SLC5A10: variants seen among roughly 807,000 people sequenced by gnomAD.
The protein encoded by SLC5A10 is solute carrier family 5 member 10, also known as sodium/mannose cotransporter SLC5A10.
A neutral mutation model predicts 68.9 loss-of-function variants in SLC5A10; 55 were observed. The ratio of observed to expected loss-of-function variants is 0.80; its 90% CI spans 0.64 to 1.00. The LOEUF (loss-of-function observed/expected upper bound fraction) is 1.00. Among genes scored for constraint, SLC5A10 ranks in the 50% least tolerant of loss-of-function variants. SLC5A10 has a pLI of 0.00. For synonymous variants in SLC5A10, 344 were observed against 344.8 expected (o/e 1.00, Z 0.02); for missense variants, 732 against 819.3 (o/e 0.89, Z 1.30).
At chr17:18,972,755 G>A (rs536812678) in intron 8 of SLC5A10, among the ~76,000 whole-genome samples, 4 of 152,158 alleles carry the variant, frequency 2.6e-5, no homozygotes, top group Middle Eastern at 3.4e-3. Flanking sequence ...CCAGCTACTC[G>A]GGAGGCTGAG....
rs903299842 is a variant in SLC5A10, at chr17:18,988,536, C to A, written c.982+11547C>A. On this transcript the variant is annotated intron_variant, in intron 9 of 14. Coordinates refer to ENST00000395645, the MANE Select transcript of SLC5A10 (RefSeq NM_001042450.4). ...CTCACAGGTGCCCACTCTGGCCCTA[C>A]TCCTGGAGCCTCAGGCCCGGGACCA... The A allele has an allele frequency of 1.3e-5, 19 of 1,477,192 alleles. No homozygotes were observed. The Admixed American group carries it at 4.0e-4, about 31-fold the overall frequency. The allele number at this position is 1,477,192 out of a possible 1,614,324, so 91.5% of individuals were successfully genotyped here.
At chr17:19,014,933 G>A (rs1172868968) in intron 10 of SLC5A10, 116 bp from the exon 11 acceptor site, 13 of 1,294,098 alleles carry the variant, frequency 1.0e-5, no homozygotes, top group Non-Finnish European at 1.1e-5. Flanking sequence ...CCCGCCCTCT[G>A]CCTTGGAGGA....
chr17:18,961,440 A>AG (rs1454483115), intron 5 of SLC5A10, among the ~76,000 whole-genome samples: 1 of 151,754 alleles, frequency 6.6e-6, no homozygotes, highest in African/African-American at 2.4e-5. Context: ...CTCCCTTGTA[A>AG]GGAGGGGCGG....
intron 9 of SLC5A10, chr17:18,978,699 G>C (rs768473258): frequency 6.2e-7 from 1 of 1,612,872 alleles, no homozygotes; most frequent in African/African-American, 1.3e-5. Context: ...ATAGGCTCCG[G>C]CTCCGGTTCC....
upstream of SLC5A10, chr17:18,952,114 TG>T: frequency 6.6e-7 from 1 of 1,509,510 alleles, no homozygotes; most frequent in Non-Finnish European, 8.8e-7. Context: ...CTTGGTTTAA[TG>T]ATCAATGAGC....
chr17:18,951,279 G>A (rs867369644), upstream of SLC5A10, among the ~76,000 whole-genome samples: 3 of 152,244 alleles, frequency 2.0e-5, no homozygotes, highest in African/African-American at 4.8e-5. Context: ...GATGGAACTC[G>A]TCACTGTCAC....
intron 9 of SLC5A10, among the ~76,000 whole-genome samples, chr17:18,990,686 GATCCCCCC>G (rs1378047486): frequency 6.6e-6 from 1 of 152,354 alleles, no homozygotes; most frequent in African/African-American, 2.4e-5. Flanking sequence ...CTCCAAAATG[GATCCCCCC>G]ACAGTCCTGG....
In SLC5A10 at chr17:19,004,386, T is replaced by C; in HGVS notation, c.983-9024T>C. 4.4e-6 allele frequency: 1 copy of C among 225,514 alleles called. No homozygotes were observed. Among genetic ancestry groups the C allele is most frequent in the Non-Finnish European group, 8.6e-6 (1 of 116,798 alleles). The allele number at this position is 225,514 out of a possible 1,614,324, so 14.0% of individuals were successfully genotyped here. A position where few individuals can be genotyped will look rare whatever the true frequency, so the allele number is the denominator to read the frequency against. ...GTGGGCCACGTCCCAGGGCTCAGCG[T>C]GCCTCTACGTGCAGGGAACCCATAT... On this transcript the variant is annotated intron_variant, in intron 9 of 14. Coordinates refer to ENST00000395645, the MANE Select transcript of SLC5A10 (RefSeq NM_001042450.4). The surrounding 1 kb of genome is among the most constrained non-coding windows in gnomAD (Gnocchi z 5.4).
chr17:19,022,080 C>T lies in SLC5A10; in HGVS notation c.*1649C>T. ...CTCAATGATGTCGCCACGGCGGAAG[C>T]TGAGCTGCGAGGGGTCCTGGGCTGA... On this transcript the variant is annotated 3_prime_UTR_variant, in exon 15 of 15. Transcript: ENST00000395645. The T allele has an allele frequency of 6.3e-7, 1 of 1,590,586 alleles. No homozygotes were observed.
chr17:18,991,578 C>T (rs534423334), intron 9 of SLC5A10, among the ~76,000 whole-genome samples: 519 of 152,274 alleles, frequency 3.4e-3, no homozygotes, highest in Middle Eastern at 6.8e-3. Flanking sequence ...GGGCAGGAGG[C>T]GGGTGGCCTG....
rs757991704 is a variant in SLC5A10 at position 19,019,854 on chromosome 17, G to A, written c.1552G>A (p.Val518Ile). ...GAGCATCCACTACCTGCACTTCGCT[G>A]TCGCCCTCTTTGCACTCAGTGGTGC... ...LGSIHYLHFA[V>I]ALFALSGAVV... Residue 518 changes from valine (V) to isoleucine (I), a missense_variant, in exon 13 of 15, where the codon GTC becomes ATC. By Grantham distance (29) the Val-to-Ile change is conservative. Coordinates refer to ENST00000395645, the MANE Select transcript of SLC5A10 (RefSeq NM_001042450.4). 1.2e-6 allele frequency: 2 copies of A among 1,613,468 alleles called. No homozygotes were observed. Among genetic ancestry groups the A allele is most frequent in the Non-Finnish European group, 1.7e-6 (2 of 1,179,924 alleles).
In SLC5A10 at chr17:18,971,024, A is replaced by G; in HGVS notation, c.652A>G (p.Ile218Val). The change falls in exon 8 of 15, where the codon ATC (isoleucine) becomes GTC (valine). Residue 218 changes from isoleucine to valine, a missense_variant. Physicochemically the swap from Ile to Val is conservative, Grantham distance 29. Coordinates refer to ENST00000395645, the MANE Select transcript of SLC5A10 (RefSeq NM_001042450.4). The surrounding 1 kb of genome is among the most constrained non-coding windows in gnomAD (Gnocchi z 5.5). ...CCTGACCCCTCCAGCTTTTGACCAGATCGGTGGTTACGGGCAGCTGGAGGC... is the reference window on the plus strand; with the variant it reads ...CCTGACCCCTCCAGCTTTTGACCAGGTCGGTGGTTACGGGCAGCTGGAGGC... Reference protein sequence around the residue: ...VILTIKAFDQIGGYGQLEAAY... With the variant: ...VILTIKAFDQVGGYGQLEAAY... The G allele has an allele frequency of 6.2e-7, 1 of 1,613,878 alleles. No homozygotes were observed. Among genetic ancestry groups the G allele is most frequent in the Admixed American group, 1.7e-5 (1 of 60,022 alleles).
chr17:19,019,877 T>G lies in SLC5A10; in HGVS notation c.1575T>G (p.Gly525=), dbSNP rs769949147. 1 of 1,612,718 alleles carries G rather than the reference T, an allele frequency of 6.2e-7. No individual in the cohort carries two copies. The highest frequency in any genetic ancestry group is 8.5e-7 in the Non-Finnish European group (1 of 1,179,742). The stretch of plus-strand genomic sequence containing the variant: ...CTGTCGCCCTCTTTGCACTCAGTGG[T>G]GCTGTTGTGGTGGCTGGAAGCCTGC... ...HFAVALFALS[G]AVVVAGSLLT... Residue 525 remains glycine (G), a synonymous_variant, in exon 13 of 15, where the codon GGT becomes GGG. Transcript: ENST00000395645.
At chr17:18,977,584 C>T in intron 9 of SLC5A10, 1 of 1,607,240 alleles carries the variant, frequency 6.2e-7, no homozygotes, top group Non-Finnish European at 8.5e-7. Context: ...CCTGACCCAC[C>T]TGTGCCTCCT....
In SLC5A10 at chr17:18,960,565, G is replaced by A. The variant is rs756020471; in HGVS notation, c.366G>A (p.Glu122=). 8.0e-5 allele frequency: 129 copies of A among 1,613,978 alleles called. No homozygotes were observed. The highest frequency in any genetic ancestry group is 2.3e-4 in the Admixed American group (14 of 60,004). The change falls in exon 5 of 15, where the codon GAG becomes GAA. Residue 122 remains glutamate, a synonymous_variant. Transcript: ENST00000395645. ...YISSEIVTLP[E]YIQKRYGGQR... is the part of the protein sequence containing the mutation. The stretch of plus-strand genomic sequence containing the variant: ...CTTCCCAGATCGTCACCTTACCTGA[G>A]TACATTCAGAAGCGCTACGGGGGCC...
At chr17:18,995,385 G>A (rs1432462191) in intron 9 of SLC5A10, among the ~76,000 whole-genome samples, 1 of 152,098 alleles carries the variant, frequency 6.6e-6, no homozygotes, top group Non-Finnish European at 1.5e-5. Flanking sequence ...CACTATAGAA[G>A]AGAAAATTAG....
At chr17:18,991,171 A>T (rs939337741) in intron 9 of SLC5A10, among the ~76,000 whole-genome samples, 2 of 152,202 alleles carry the variant, frequency 1.3e-5, no homozygotes, top group African/African-American at 4.8e-5. Flanking sequence ...CTCACTTGTG[A>T]CACCATGAGC....
chr17:18,991,493 C>A (rs1007473324), intron 9 of SLC5A10, among the ~76,000 whole-genome samples: 3 of 152,178 alleles, frequency 2.0e-5, no homozygotes, highest in African/African-American at 7.2e-5. Flanking sequence ...CTGGGCAGGG[C>A]AAGGGCTGTG....
At chr17:18,974,542 G>A (rs901274124) in intron 8 of SLC5A10, among the ~76,000 whole-genome samples, 6 of 152,178 alleles carry the variant, frequency 3.9e-5, no homozygotes, top group Non-Finnish European at 7.3e-5. Context: ...TGCTGATGCC[G>A]CAGCTCCAGG....
Sources: allele counts gnomAD v4.1 joint callset (sites outside exome capture counted in the v4.1 genomes callset), GRCh38; gene constraint gnomAD v4.1.1; non-coding constraint Gnocchi (gnomAD v3.1); transcripts MANE v1.5; gene names NCBI Gene and HGNC (gene_info 2026-07-23, HGNC 2026-07-21).